Variants in LARGE1 observed in about 807,000 individuals in gnomAD.
LARGE1 encodes the protein xylosyl- and glucuronyltransferase LARGE1.
In LARGE1, 43 loss-of-function variants were observed where a neutral mutation model predicts 87.6. The ratio of observed to expected loss-of-function variants is 0.49; its 90% CI spans 0.38 to 0.63. The LOEUF (loss-of-function observed/expected upper bound fraction) is 0.63. LARGE1 is among the 30% of genes least tolerant of loss of function. The pLI is 0.00. For missense variants in LARGE1, 802 were observed against 1,000.2 expected (o/e 0.80, Z 2.67); for synonymous variants, 434 against 394.6 (o/e 1.10, Z -1.18).
chr22:33,211,520 C>T (rs556104887), intron 11 of LARGE1, among the ~76,000 whole-genome samples: 1 of 152,266 alleles, frequency 6.6e-6, no homozygotes, highest in Non-Finnish European at 1.5e-5. Flanking sequence ...AACCTGTAAT[C>T]CCAGCACTTT....
At chr22:33,859,895 T>G (rs923256774) in intron 1 of LARGE1, among the ~76,000 whole-genome samples, 5 of 152,122 alleles carry the variant, frequency 3.3e-5, no homozygotes, top group African/African-American at 1.2e-4. Context: ...AAATACTATA[T>G]CATTCCACTC....
chr22:33,335,700 T>C (rs1415917746), intron 10 of LARGE1, among the ~76,000 whole-genome samples: 1 of 152,172 alleles, frequency 6.6e-6, no homozygotes, highest in East Asian at 1.9e-4. Flanking sequence ...CATCCTTCTG[T>C]TCCACACCCC....
chr22:33,066,715 G>A, the LARGE1 span, among the ~76,000 whole-genome samples: 1 of 152,214 alleles, frequency 6.6e-6, no homozygotes, highest in Non-Finnish European at 1.5e-5. Flanking sequence ...ATGCAAAAGA[G>A]AGAGATTTCT....
rs140301663 is a variant in LARGE1 at position 33,565,616 on chromosome 22, A to G, written c.616-597T>C. Among the ~76,000 whole-genome samples the G allele has an allele frequency of 4.6e-5, 7 of 152,288 alleles. No homozygotes were observed. In the East Asian group the frequency reaches 5.8e-4, roughly 13 times the overall value. ...TTCACCTGACAGCAATAGAGGACAC[A>G]CACATAGGACAGAAGGAGGACCTAG... On this transcript the variant is annotated intron_variant, in intron 5 of 14. Transcript: ENST00000397394.
chr22:33,113,873 CTTTTTTTTT>C, the LARGE1 span, among the ~76,000 whole-genome samples: 1 of 140,356 alleles, frequency 7.1e-6, no homozygotes, highest in Non-Finnish European at 1.6e-5. Context: ...TAGGGATTTT[CTTTTTTTTT>C]TTTTTTGAGA....
At chr22:33,907,684 C>CAGCCTCCTG (rs573983195) in intron 1 of LARGE1, among the ~76,000 whole-genome samples, 25 of 152,232 alleles carry the variant, frequency 1.6e-4, no homozygotes, top group Non-Finnish European at 2.5e-4. Flanking sequence ...TCTCCTGCCT[C>CAGCCTCCTG]AGCCTCCTGA....
intron 9 of LARGE1, among the ~76,000 whole-genome samples, chr22:33,378,943 C>T (rs1014930988): frequency 3.3e-5 from 5 of 152,102 alleles, no homozygotes; most frequent in African/African-American, 9.7e-5. Flanking sequence ...ATCAAGGATG[C>T]AACTTGGGAA....
intron 2 of LARGE1, among the ~76,000 whole-genome samples, chr22:33,683,562 C>T (rs924081964): frequency 2.8e-4 from 42 of 151,420 alleles, no homozygotes; most frequent in African/African-American, 9.2e-4. Flanking sequence ...GACGGAAGGA[C>T]GGACAAACAG....
In LARGE1 at chr22:33,521,071, T is replaced by G. The variant is rs540877100; in HGVS notation, c.787+43777A>C. 2.5e-4 allele frequency among the ~76,000 whole-genome samples: 38 copies of G among 152,320 alleles called. 2 individuals are homozygous for G. The South Asian group carries it at 2.7e-3, about 11-fold the overall frequency. On this transcript the variant is annotated intron_variant, in intron 6 of 14. Transcript: ENST00000397394. ...AGTGTATTTTGGCACTGTTGCCTGG[T>G]TGCAAAATGAGATGTCCCACTGGCT...
intron 6 of LARGE1, among the ~76,000 whole-genome samples, chr22:33,489,146 A>G (rs1259235343): frequency 6.6e-6 from 1 of 152,226 alleles, no homozygotes; most frequent in Non-Finnish European, 1.5e-5. Flanking sequence ...TCAGATGCCT[A>G]TCCTCGTGGA....
At chr22:33,628,110 G>A (rs2079983034) in intron 3 of LARGE1, among the ~76,000 whole-genome samples, 1 of 152,164 alleles carries the variant, frequency 6.6e-6, no homozygotes. Context: ...GAAGAAAGAG[G>A]AGGGGAGATG....
intron 6 of LARGE1, among the ~76,000 whole-genome samples, chr22:33,526,392 G>A (rs2071896638): frequency 6.6e-6 from 1 of 152,242 alleles, no homozygotes; most frequent in East Asian, 1.9e-4. Context: ...TGGACCTTAC[G>A]TGGCTTGAGG....
rs147997439 is a variant in LARGE1, at chr22:33,276,702, T to C, written c.2073+358A>G. Among the ~76,000 whole-genome samples the C allele has an allele frequency of 3.6e-4, 55 of 152,388 alleles. No homozygotes were observed. The East Asian group carries it at 8.5e-3, about 23-fold the overall frequency. ...TGCATCTTAGCAGCATGCTTTGTCA[T>C]GTATATGGAACTCTAAGGATGCTTC... On this transcript the variant is annotated intron_variant, in intron 14 of 14. Transcript: ENST00000397394.
intron 1 of LARGE1, among the ~76,000 whole-genome samples, chr22:33,875,382 C>G (rs985456652): frequency 7.9e-5 from 12 of 152,318 alleles, no homozygotes; most frequent in African/African-American, 2.9e-4. Context: ...GTGGCCAGGG[C>G]CAACTGCAGA....
At chr22:33,830,365 G>A (rs149988073) in intron 1 of LARGE1, among the ~76,000 whole-genome samples, 39 of 152,250 alleles carry the variant, frequency 2.6e-4, no homozygotes, top group African/African-American at 7.2e-4. Context: ...GGCTGCTGTC[G>A]AGTTCTTCCT....
intron 3 of LARGE1, among the ~76,000 whole-genome samples, chr22:33,641,320 C>G (rs2080425394): frequency 6.6e-6 from 1 of 152,078 alleles, no homozygotes; most frequent in South Asian, 2.1e-4. Context: ...AGAAGGAAAA[C>G]TAACAAACAT....
intron 1 of LARGE1, among the ~76,000 whole-genome samples, chr22:33,846,419 G>A (rs1287695251): frequency 6.6e-6 from 1 of 152,140 alleles, no homozygotes; most frequent in African/African-American, 2.4e-5. Context: ...GAGGATGTAT[G>A]TCGCCTCAGG....
intron 1 of LARGE1, among the ~76,000 whole-genome samples, chr22:33,803,569 G>T (rs1222723522): frequency 6.6e-6 from 1 of 152,166 alleles, no homozygotes; most frequent in Non-Finnish European, 1.5e-5. Flanking sequence ...ATGACTTACA[G>T]CATCTCATGG....
intron 4 of LARGE1, among the ~76,000 whole-genome samples, chr22:33,622,798 G>A (rs2079797477): frequency 1.3e-5 from 2 of 152,218 alleles, no homozygotes; most frequent in South Asian, 4.1e-4. Context: ...CAAATGGGAT[G>A]CAGAATTTTC....
Sources: gnomAD v4.1 joint callset for allele counts (sites outside exome capture counted in the v4.1 genomes callset) on GRCh38, gnomAD v4.1.1 for gene constraint, MANE v1.5 for transcripts, NCBI Gene and HGNC (gene_info 2026-07-23, HGNC 2026-07-21) for gene names.